Variants in SCOC observed in about 807,000 individuals in gnomAD.
SCOC encodes the protein short coiled-coil protein, also known as short coiled coil protein.
Under a neutral mutation model 9.9 loss-of-function variants are expected in SCOC, and 7 were observed. That is an observed-to-expected ratio of 0.71 (90% CI 0.40 to 1.33). SCOC has a LOEUF of 1.33. Among genes scored for constraint, SCOC ranks in the 40% most tolerant of loss-of-function variants. SCOC has a pLI of 0.01. For synonymous variants in SCOC, 19 were observed against 28.2 expected, an observed-to-expected ratio of 0.67 and a Z score of 1.03; for missense variants, 66 against 89.7, an observed-to-expected ratio of 0.74 and a Z score of 1.07.
At chr4:140,365,658 C>G (rs1727759858) in intron 2 of SCOC, among the ~76,000 whole-genome samples, 1 of 152,166 alleles carries the variant, frequency 6.6e-6, no homozygotes, top group African/African-American at 2.4e-5. Flanking sequence ...GAAGACCAAC[C>G]CCTTCTCTTC....
intron 1 of SCOC, among the ~76,000 whole-genome samples, chr4:140,273,825 A>G (rs1247856702): frequency 2.6e-5 from 4 of 152,236 alleles, no homozygotes; most frequent in African/African-American, 9.6e-5. Flanking sequence ...TGAAGTGATA[A>G]TGTCTTCCAA....
intron 1 of SCOC, among the ~76,000 whole-genome samples, chr4:140,337,857 T>A (rs566240149): frequency 6.6e-6 from 1 of 152,296 alleles, no homozygotes; most frequent in South Asian, 2.1e-4. Flanking sequence ...ACAGCTGAAT[T>A]CTACCAGAGG....
intron 2 of SCOC, among the ~76,000 whole-genome samples, chr4:140,354,417 T>G (rs978855038): frequency 2.0e-5 from 3 of 152,228 alleles, no homozygotes; most frequent in Admixed American, 1.3e-4. Context: ...ACCGCTACAT[T>G]TCTCAGCCAG....
At chr4:140,356,352 C>T (rs1727229012) in intron 2 of SCOC, among the ~76,000 whole-genome samples, 1 of 152,218 alleles carries the variant, frequency 6.6e-6, no homozygotes, top group African/African-American at 2.4e-5. Context: ...TTCGTAACCA[C>T]AACACAACCA....
chr4:140,303,761 A>T (rs548068537), intron 1 of SCOC, among the ~76,000 whole-genome samples: 1 of 152,348 alleles, frequency 6.6e-6, no homozygotes, highest in Admixed American at 6.5e-5. Flanking sequence ...AATGGAGCTC[A>T]GTATAGTGGA....
At chr4:140,316,685 AC>A (rs1259129172) in intron 1 of SCOC, among the ~76,000 whole-genome samples, 1 of 152,044 alleles carries the variant, frequency 6.6e-6, no homozygotes, top group Non-Finnish European at 1.5e-5. Flanking sequence ...ACCCCACTGC[AC>A]CCCAGAAGGA....
chr4:140,340,783 C>T (rs963837711), upstream of SCOC, among the ~76,000 whole-genome samples: 87 of 40,398 alleles, frequency 2.2e-3, no homozygotes, highest in African/African-American at 2.7e-3. Context: ...TGCTGCCTAA[C>T]TTTTTTTTTT....
intron 1 of SCOC, among the ~76,000 whole-genome samples, chr4:140,294,991 C>T (rs961959719): frequency 6.6e-6 from 1 of 152,198 alleles, no homozygotes; most frequent in Non-Finnish European, 1.5e-5. Flanking sequence ...CCCATACCAG[C>T]AATCAGCTGG....
chr4:140,277,861 T>C (rs1731019799), intron 1 of SCOC, among the ~76,000 whole-genome samples: 1 of 152,210 alleles, frequency 6.6e-6, no homozygotes. Flanking sequence ...TAGAGATTTG[T>C]TGGCTCTTTC....
At chr4:140,374,282 G>A (rs1186770077) in intron 1 of SCOC, 3 of 412,472 alleles carry the variant, frequency 7.3e-6, no homozygotes, top group African/African-American at 2.1e-5. Context: ...GGGAAGAAAG[G>A]TTTGGAAAGG....
chr4:140,344,992 C>T (rs1246850894), intron 2 of SCOC, among the ~76,000 whole-genome samples: 2 of 152,286 alleles, frequency 1.3e-5, no homozygotes, highest in East Asian at 3.9e-4. Flanking sequence ...CACCTCATCA[C>T]ACCCCTTCAA....
chr4:140,273,589 T>C (rs778089125), intron 1 of SCOC, among the ~76,000 whole-genome samples: 2 of 152,100 alleles, frequency 1.3e-5, no homozygotes, highest in Non-Finnish European at 1.5e-5. Flanking sequence ...TGAACATGTC[T>C]GCCTCAAGCT....
At chr4:140,355,222 T>TATATGATATATG (rs3034548) in intron 2 of SCOC, among the ~76,000 whole-genome samples, 1 of 33,336 alleles carries the variant, frequency 3.0e-5, no homozygotes, top group Admixed American at 2.8e-4. Flanking sequence ...TATATATATA[T>TATATGATATATG]ATATATATAT....
chr4:140,311,543 A>G (rs1206816650), intron 1 of SCOC, among the ~76,000 whole-genome samples: 8 of 152,128 alleles, frequency 5.3e-5, no homozygotes, highest in South Asian at 2.1e-4. Context: ...CCCACACCCC[A>G]TGATCCAACT....
In SCOC at chr4:140,379,153, A is replaced by G; in HGVS notation, c.-18A>G. On this transcript the variant is annotated 5_prime_UTR_variant, in exon 2 of 4. Transcript: ENST00000608372. ...CTCAAGAATTTTGTATCCAAGGCCC[A>G]AAAGTTTGTTACCCAAGATGATGAA... The G allele has an allele frequency of 6.2e-7, 1 of 1,610,134 alleles. No individual in the cohort carries two copies.
intron 1 of SCOC, among the ~76,000 whole-genome samples, chr4:140,310,218 T>C (rs966704823): frequency 1.3e-5 from 2 of 152,194 alleles, no homozygotes; most frequent in African/African-American, 2.4e-5. Flanking sequence ...CTTGGTTGGG[T>C]TGCTCCATTG....
intron 1 of SCOC, among the ~76,000 whole-genome samples, chr4:140,264,225 A>G (rs555533709): frequency 2.0e-5 from 3 of 152,158 alleles, no homozygotes; most frequent in South Asian, 2.1e-4. Context: ...GCTGGTCTTG[A>G]ACTTCCAGCT....
chr4:140,328,024 AC>A (rs1212228175), intron 1 of SCOC, among the ~76,000 whole-genome samples: 1 of 152,202 alleles, frequency 6.6e-6, no homozygotes, highest in African/African-American at 2.4e-5. Flanking sequence ...AGCCACACTC[AC>A]CAGCCACGTA....
At chr4:140,333,869 T>A (rs1018072627) in intron 1 of SCOC, among the ~76,000 whole-genome samples, 1 of 152,202 alleles carries the variant, frequency 6.6e-6, no homozygotes, top group African/African-American at 2.4e-5. Context: ...GGAAACATTA[T>A]ATATACTGCA....
Sources: allele counts gnomAD v4.1 joint callset (sites outside exome capture counted in the v4.1 genomes callset), GRCh38; gene constraint gnomAD v4.1.1; transcripts MANE v1.5; gene names NCBI Gene and HGNC (gene_info 2026-07-23, HGNC 2026-07-21).